Variants in NUP214 observed in about 807,000 individuals in gnomAD.
NUP214 encodes nucleoporin 214, also known as nuclear pore complex protein Nup214.
A neutral mutation model predicts 196.2 loss-of-function variants in NUP214; 79 were observed. The observed-to-expected ratio is 0.40, with a 90% CI of 0.34 to 0.49. The LOEUF (loss-of-function observed/expected upper bound fraction) is 0.49, where lower values mean the gene tolerates loss of function less well. Ranked by LOEUF, NUP214 falls within the 20% of genes least tolerant of loss-of-function variation. NUP214 has a pLI of 0.58. For synonymous variants in NUP214, 1,020 were observed against 990.5 expected (o/e 1.03, Z -0.56); for missense variants, 2,468 against 2,539.0 (o/e 0.97, Z 0.60).
chr9:131,205,747 T>G (rs1834058315), intron 30 of NUP214, among the ~76,000 whole-genome samples: 1 of 152,160 alleles, frequency 6.6e-6, no homozygotes. Flanking sequence ...CAGGCTGGAG[T>G]GTGGTGGCAT....
intron 30 of NUP214, among the ~76,000 whole-genome samples, chr9:131,211,655 G>A (rs879809012): frequency 1.1e-4 from 17 of 152,226 alleles, no homozygotes; most frequent in Non-Finnish European, 2.1e-4. Context: ...AATTTCTTAC[G>A]CCTGTCTTTA....
intron 13 of NUP214, among the ~76,000 whole-genome samples, chr9:131,147,132 AT>A (rs1437836037): frequency 2.6e-5 from 4 of 151,684 alleles, no homozygotes; most frequent in African/African-American, 9.7e-5. Flanking sequence ...GACTACAGGC[AT>A]GTACCACCAC....
intron 29 of NUP214, 78 bp downstream of exon 29, chr9:131,199,093 G>A: frequency 6.7e-7 from 1 of 1,486,958 alleles, no homozygotes; most frequent in African/African-American, 1.4e-5. Context: ...TATTACTTTT[G>A]TAATTAAAGG....
chr9:131,223,723 A>ATTTTTTTATTTATTTT (rs1222974193), intron 32 of NUP214, among the ~76,000 whole-genome samples: 1 of 18,966 alleles, frequency 5.3e-5, no homozygotes, highest in Non-Finnish European at 1.2e-4. Context: ...TTATTTATTT[A>ATTTTTTTATTTATTTT]TTTATTTTTT....
chr9:131,230,408 A>C, intron 33 of NUP214: 1 of 552,206 alleles, frequency 1.8e-6, no homozygotes, highest in Non-Finnish European at 3.2e-6. Flanking sequence ...GCCAGGTTGG[A>C]TTTCATACTG....
At chr9:131,149,787 T>C (rs7859782) in intron 14 of NUP214, among the ~76,000 whole-genome samples, 43,654 of 151,900 alleles carry the variant, frequency 0.29, 6,368 homozygotes, top group South Asian at 0.42. Flanking sequence ...CCTTCCTGAC[T>C]CTACCCCTGC....
chr9:131,180,348 T>G (rs1304413095), intron 24 of NUP214, among the ~76,000 whole-genome samples: 4 of 152,266 alleles, frequency 2.6e-5, no homozygotes, highest in Non-Finnish European at 5.9e-5. Flanking sequence ...AATTGGTGTT[T>G]ACTGCCACCC....
intron 17 of NUP214, among the ~76,000 whole-genome samples, chr9:131,157,400 C>G (rs1832486126): frequency 6.6e-6 from 1 of 150,994 alleles, no homozygotes; most frequent in Admixed American, 6.6e-5. Flanking sequence ...GGCCCTAGCA[C>G]TCCTACTGAC....
At chr9:131,209,609 G>A (rs1452476090) in intron 30 of NUP214, among the ~76,000 whole-genome samples, 1 of 152,124 alleles carries the variant, frequency 6.6e-6, no homozygotes, top group African/African-American at 2.4e-5. Flanking sequence ...GGCCAGGCTG[G>A]TCTCGAACTC....
At chr9:131,161,907 A>G (rs1195650064) in intron 18 of NUP214, among the ~76,000 whole-genome samples, 1 of 152,348 alleles carries the variant, frequency 6.6e-6, no homozygotes, top group African/African-American at 2.4e-5. Flanking sequence ...CCATACAGCA[A>G]GCTTGTCCAA....
chr9:131,136,258 A>G (rs925921282), intron 9 of NUP214, among the ~76,000 whole-genome samples: 2 of 152,236 alleles, frequency 1.3e-5, no homozygotes, highest in Non-Finnish European at 2.9e-5. Flanking sequence ...CAGGCTGGTC[A>G]CAAACTCCTG....
At chr9:131,218,610 T>C (rs1362410331) in intron 31 of NUP214, among the ~76,000 whole-genome samples, 1 of 150,562 alleles carries the variant, frequency 6.6e-6, no homozygotes, top group Admixed American at 6.6e-5. Context: ...CTATGGGGCA[T>C]TCCCCGTGGT....
intron 24 of NUP214, among the ~76,000 whole-genome samples, chr9:131,180,871 T>C (rs1833257732): frequency 6.6e-6 from 1 of 152,248 alleles, no homozygotes; most frequent in Non-Finnish European, 1.5e-5. Flanking sequence ...TTAATGAGCA[T>C]TTGTTGTATG....
intron 23 of NUP214, among the ~76,000 whole-genome samples, chr9:131,176,317 A>G (rs1289251351): frequency 1.3e-5 from 2 of 150,690 alleles, no homozygotes; most frequent in African/African-American, 4.9e-5. Flanking sequence ...TATATCTTGC[A>G]TGAAGCTTTT....
chr9:131,227,231 A>G (rs577424523), intron 32 of NUP214, among the ~76,000 whole-genome samples: 1 of 152,358 alleles, frequency 6.6e-6, no homozygotes, highest in African/African-American at 2.4e-5. Flanking sequence ...CATCACCAGC[A>G]ATCAGAGTAG....
intron 29 of NUP214, 97 bp from the exon 30 acceptor site, chr9:131,201,550 C>A: frequency 2.2e-6 from 2 of 913,990 alleles, no homozygotes; most frequent in East Asian, 2.6e-5. Context: ...GGTGACAGAG[C>A]GAGACTCTGC....
chr9:131,162,334 TA>T (rs1374737761), intron 18 of NUP214, among the ~76,000 whole-genome samples: 1 of 152,254 alleles, frequency 6.6e-6, no homozygotes, highest in Non-Finnish European at 1.5e-5. Context: ...TATGTTTTTA[TA>T]TGTATGATTT....
At chr9:131,214,828 CAG>C (rs1834346314) in intron 30 of NUP214, among the ~76,000 whole-genome samples, 1 of 152,238 alleles carries the variant, frequency 6.6e-6, no homozygotes, top group Admixed American at 6.5e-5. Context: ...CTGGAGGAAT[CAG>C]AATAAGTGGT....
At chr9:131,130,141 T>G (rs1337542556) in intron 4 of NUP214, among the ~76,000 whole-genome samples, 1 of 103,522 alleles carries the variant, frequency 9.7e-6, no homozygotes, top group African/African-American at 3.6e-5. Context: ...GGTTTTGTTT[T>G]TTTTTTTTTG....
Sources: allele counts gnomAD v4.1 joint callset (sites outside exome capture counted in the v4.1 genomes callset), GRCh38; gene constraint gnomAD v4.1.1; transcripts MANE v1.5; gene names NCBI Gene and HGNC (gene_info 2026-07-23, HGNC 2026-07-21).